TMUB2: variants seen among roughly 807,000 people sequenced by gnomAD.
TMUB2 encodes transmembrane and ubiquitin-like domain-containing protein 2.
A neutral mutation model predicts 20.2 loss-of-function variants in TMUB2; 19 were observed. The ratio of observed to expected loss-of-function variants is 0.94; its 90% CI spans 0.66 to 1.38. TMUB2 has a LOEUF of 1.38. TMUB2 is among the 40% of genes most tolerant of loss of function. The pLI is 0.00. For synonymous variants in TMUB2, 186 were observed against 166.0 expected, an observed-to-expected ratio of 1.12 and a Z score of -0.92; for missense variants, 426 against 402.5, an observed-to-expected ratio of 1.06 and a Z score of -0.50.
chr17:44,188,945 G>T, intron 2 of TMUB2, 77 bp from the exon 3 acceptor site: 2 of 1,469,992 alleles, frequency 1.4e-6, no homozygotes, highest in Non-Finnish European at 9.0e-7. Flanking sequence ...GGCTGGGTCA[G>T]TTAGAACCTA....
intron 1 of TMUB2, chr17:44,187,442 G>T: frequency 1.8e-6 from 1 of 543,610 alleles, no homozygotes. Context: ...GTACGGACAG[G>T]GTAGATCACA....
intron 2 of TMUB2, 71 bp from the exon 3 acceptor site, chr17:44,188,951 A>C (rs2054910104): frequency 1.3e-6 from 2 of 1,488,350 alleles, no homozygotes; most frequent in Non-Finnish European, 8.9e-7. Context: ...GTCAGTTAGA[A>C]CCTAAACAAA....
chr17:44,188,316 C>G (rs2054784803), intron 2 of TMUB2, among the ~76,000 whole-genome samples: 1 of 152,128 alleles, frequency 6.6e-6, no homozygotes, highest in Non-Finnish European at 1.5e-5. Context: ...GAAGGTGGTG[C>G]TTCTGGTGTC....
At chr17:44,188,490 C>G (rs908236470) in intron 2 of TMUB2, among the ~76,000 whole-genome samples, 1 of 152,172 alleles carries the variant, frequency 6.6e-6, no homozygotes, top group African/African-American at 2.4e-5. Flanking sequence ...ATCTGGCAGC[C>G]TGGATCTGTG....
Position 44,191,047 on chromosome 17 carries a change from C to T in TMUB2, c.*183C>T, listed in dbSNP as rs2055502504. On this transcript the variant is annotated 3_prime_UTR_variant, in exon 4 of 4. Coordinates refer to ENST00000538716, the MANE Select transcript of TMUB2 (RefSeq NM_001076674.3). ...TTCTCATCCACAGGAGTACAGATGT[C>T]CCTCCCGTGCGAGCACAACTCAGGT... 3 of 1,410,358 alleles carry T rather than the reference C, an allele frequency of 2.1e-6. No individual in the cohort carries two copies. The highest frequency in any genetic ancestry group is 5.2e-5 in the East Asian group (2 of 38,606). The allele number at this position is 1,410,358 out of a possible 1,614,324, so 87.4% of individuals were successfully genotyped here. A position where few individuals can be genotyped will look rare whatever the true frequency, so the allele number is the denominator to read the frequency against.
chr17:44,189,747 G>T, intron 3 of TMUB2, 159 bp downstream of exon 3: 2 of 654,736 alleles, frequency 3.1e-6, no homozygotes, highest in Non-Finnish European at 4.8e-6. Flanking sequence ...CCTTCAGGCC[G>T]GGTGCAGTGG....
Position 44,189,136 on chromosome 17 carries a change from C to T in TMUB2, c.150C>T (p.Val50=), listed in dbSNP as rs1598155955. 1.2e-6 allele frequency: 2 copies of T among 1,613,928 alleles called. No homozygotes were observed. The highest frequency in any genetic ancestry group is 1.7e-6 in the Non-Finnish European group (2 of 1,180,024). The change falls in exon 3 of 4, where the codon GTC becomes GTT. Residue 50 remains valine (V), a synonymous_variant. Transcript: ENST00000538716. The part of the protein sequence containing the change: ...AGVVVLILAL[V]LAWLSTYVAD... Reference sequence around the variant, plus strand: ...TGGTGGTGCTGATTCTAGCCTTGGTCCTAGCTTGGCTCTCTACCTACGTAG... The same window carrying T: ...TGGTGGTGCTGATTCTAGCCTTGGTTCTAGCTTGGCTCTCTACCTACGTAG...
chr17:44,187,503 C>T (rs370627588), intron 1 of TMUB2, 173 bp from the exon 2 acceptor site: 4 of 599,148 alleles, frequency 6.7e-6, no homozygotes, highest in South Asian at 5.9e-5. Flanking sequence ...GGGGTCCTGC[C>T]GGGCCCCTCC....
intron 2 of TMUB2, 172 bp from the exon 3 acceptor site, chr17:44,188,850 C>T (rs2240226): frequency 0.3 from 354,460 of 1,192,556 alleles, 58,689 homozygotes; most frequent in East Asian, 0.65. Context: ...TAGGGTAGGT[C>T]TTTAGGTTTA....
At position 44,189,143 on chromosome 17, in the gene TMUB2, T is replaced by C. The variant is rs2054951558; in HGVS notation, c.157T>C (p.Trp53Arg). 6.2e-7 allele frequency: 1 copy of C among 1,613,932 alleles called. No individual in the cohort carries two copies. Among genetic ancestry groups the C allele is most frequent in the African/African-American group, 1.3e-5 (1 of 74,864 alleles). Residue 53 changes from tryptophan to arginine, a missense_variant, in exon 3 of 4, where the codon TGG becomes CGG. Coordinates refer to ENST00000538716, the MANE Select transcript of TMUB2 (RefSeq NM_001076674.3). ...VVLILALVLA[W>R]LSTYVADSGS... ...GCTGATTCTAGCCTTGGTCCTAGCT[T>C]GGCTCTCTACCTACGTAGCAGACAG...
At position 44,190,714 on chromosome 17, in the gene TMUB2, C is replaced by T. The variant is rs748405264; in HGVS notation, c.816C>T (p.Ser272=). ...CCAGCCTTGGTGTCAATGTGGGCAG[C>T]CTCATGGTGCCTGTCTTTGTGGTGC... ...EPPSLGVNVG[S]LMVPVFVVLL... The change falls in exon 4 of 4, where the codon AGC becomes AGT. Residue 272 remains serine, a synonymous_variant. Transcript: ENST00000538716. 7.4e-6 allele frequency: 12 copies of T among 1,614,126 alleles called. No individual in the cohort carries two copies. Among genetic ancestry groups the T allele is most frequent in the Non-Finnish European group, 1.0e-5 (12 of 1,180,044 alleles).
At chr17:44,187,801 T>C in intron 2 of TMUB2, 58 bp downstream of exon 2, 2 of 717,848 alleles carry the variant, frequency 2.8e-6, no homozygotes, top group Non-Finnish European at 5.2e-6. Context: ...CTGAGAAAGT[T>C]GTCTGAGGTG....
chr17:44,187,917 G>C (rs1391636012), intron 2 of TMUB2, 174 bp downstream of exon 2: 1 of 632,324 alleles, frequency 1.6e-6, no homozygotes, highest in East Asian at 2.8e-5. Context: ...ATAATTCTTT[G>C]AGCAACTACT....
intron 2 of TMUB2, 83 bp from the exon 3 acceptor site, chr17:44,188,939 G>C (rs1433990630): frequency 1.4e-6 from 2 of 1,454,744 alleles, no homozygotes; most frequent in African/African-American, 1.4e-5. Context: ...TTTCAGGGCT[G>C]GGTCAGTTAG....
intron 2 of TMUB2, among the ~76,000 whole-genome samples, chr17:44,188,644 G>A (rs1360043760): frequency 2.0e-5 from 3 of 152,134 alleles, no homozygotes; most frequent in African/African-American, 4.8e-5. Flanking sequence ...ATATTTGCTT[G>A]ACCAAGCGAT....
intron 2 of TMUB2, among the ~76,000 whole-genome samples, chr17:44,188,652 G>A (rs1328064487): frequency 2.0e-5 from 3 of 152,136 alleles, no homozygotes; most frequent in African/African-American, 4.8e-5. Flanking sequence ...TTGACCAAGC[G>A]ATAGAAATCC....
intron 3 of TMUB2, chr17:44,189,840 A>C (rs1403461484): frequency 5.4e-6 from 2 of 373,454 alleles, no homozygotes; most frequent in Non-Finnish European, 9.7e-6. Flanking sequence ...GTGAAACCCC[A>C]TCTCTACTAA....
At position 44,191,257 on chromosome 17, in the gene TMUB2, C is replaced by T; in HGVS notation, c.*393C>T. 9.8e-7 allele frequency: 1 copy of T among 1,019,710 alleles called. No homozygotes were observed. The highest frequency in any genetic ancestry group is 1.2e-6 in the Non-Finnish European group (1 of 850,272). The allele number at this position is 1,019,710 out of a possible 1,614,324, so 63.2% of individuals were successfully genotyped here. A position where few individuals can be genotyped will look rare whatever the true frequency, so the allele number is the denominator to read the frequency against. On this transcript the variant is annotated 3_prime_UTR_variant, in exon 4 of 4. Coordinates refer to ENST00000538716, the MANE Select transcript of TMUB2 (RefSeq NM_001076674.3). ...GCCTGCAAGGGCAGCTCAGCATGGCCCCAGCACAACTCCGTAGGGAGCCTG... is the reference window on the plus strand; with the variant it reads ...GCCTGCAAGGGCAGCTCAGCATGGCTCCAGCACAACTCCGTAGGGAGCCTG...
At position 44,191,506 on chromosome 17, in the gene TMUB2, A is replaced by G; in HGVS notation, c.*642A>G. 1.0e-6 allele frequency: 1 copy of G among 985,750 alleles called. No individual in the cohort carries two copies. The highest frequency in any genetic ancestry group is 6.1e-5 in the Admixed American group (1 of 16,264). The allele number at this position is 985,750 out of a possible 1,614,324, so 61.1% of individuals were successfully genotyped here. A position where few individuals can be genotyped will look rare whatever the true frequency, so the allele number is the denominator to read the frequency against. ...TTCATAGAGCTCAGTCAGGAAGGGG[A>G]TGGGGCACCAAGCCAAGCCCCCAGC... On this transcript the variant is annotated 3_prime_UTR_variant, in exon 4 of 4. Coordinates refer to ENST00000538716, the MANE Select transcript of TMUB2 (RefSeq NM_001076674.3).
Sources: allele counts gnomAD v4.1 joint callset (sites outside exome capture counted in the v4.1 genomes callset), GRCh38; gene constraint gnomAD v4.1.1; transcripts MANE v1.5; gene names NCBI Gene and HGNC (gene_info 2026-07-23, HGNC 2026-07-21).